Variants in MERTK observed in about 807,000 individuals in gnomAD.
MERTK encodes the protein MER proto-oncogene, tyrosine kinase.
Under a neutral mutation model 99.3 loss-of-function variants are expected in MERTK, and 69 were observed. The ratio of observed to expected loss-of-function variants is 0.70; its 90% confidence interval spans 0.57 to 0.85. The LOEUF (loss-of-function observed/expected upper bound fraction) is 0.85. MERTK is among the 40% of genes least tolerant of loss of function. The pLI, the probability that MERTK is intolerant of heterozygous loss-of-function variation, is 0.00. For missense variants in MERTK, 1,125 were observed against 1,249.4 expected, an observed-to-expected ratio of 0.90 and a Z score of 1.50; for synonymous variants, 426 against 467.6, an observed-to-expected ratio of 0.91 and a Z score of 1.15.
At chr2:112,007,055 A>C (rs531184193) in intron 13 of MERTK, among the ~76,000 whole-genome samples, 1 of 152,296 alleles carries the variant, frequency 6.6e-6, no homozygotes, top group African/African-American at 2.4e-5. Context: ...CATAATATAA[A>C]ATTTACCATT....
intron 1 of MERTK, among the ~76,000 whole-genome samples, chr2:111,924,351 C>T (rs1023407777): frequency 1.3e-5 from 2 of 152,168 alleles, no homozygotes; most frequent in African/African-American, 4.8e-5. Flanking sequence ...CACCAGCTGT[C>T]CACTCCTGAG....
intron 1 of MERTK, among the ~76,000 whole-genome samples, chr2:111,910,468 C>G (rs1421200585): frequency 6.6e-6 from 1 of 151,910 alleles, no homozygotes. Flanking sequence ...TGGGGTTTCA[C>G]CATGTTGGCC....
At chr2:111,925,292 A>ATATATT (rs372747015) in intron 1 of MERTK, among the ~76,000 whole-genome samples, 12 of 24,500 alleles carry the variant, frequency 4.9e-4, no homozygotes, top group African/African-American at 7.1e-4. Context: ...ATATATATAT[A>ATATATT]TTTTTTTTTT....
intron 1 of MERTK, among the ~76,000 whole-genome samples, chr2:111,926,991 TC>T (rs1465998638): frequency 1.3e-5 from 2 of 152,092 alleles, no homozygotes; most frequent in African/African-American, 4.8e-5. Flanking sequence ...AAGTGAACAC[TC>T]CCATGATGGC....
intron 1 of MERTK, among the ~76,000 whole-genome samples, chr2:111,910,563 C>T (rs1412408350): frequency 1.9e-4 from 29 of 150,688 alleles, no homozygotes; most frequent in East Asian, 1.2e-3. Flanking sequence ...AGCCACCTCA[C>T]CCGGCTGACC....
chr2:111,916,174 G>T (rs1386235595), intron 1 of MERTK, among the ~76,000 whole-genome samples: 3 of 151,998 alleles, frequency 2.0e-5, no homozygotes, highest in African/African-American at 7.2e-5. Context: ...GAAGTGCAGT[G>T]GCACTCTGAT....
At chr2:111,944,843 C>T in intron 2 of MERTK, 117 bp from the exon 3 acceptor site, 1 of 869,102 alleles carries the variant, frequency 1.2e-6, no homozygotes, top group Non-Finnish European at 1.9e-6. Context: ...CCTAGCCAAG[C>T]TGACATATAA....
chr2:111,954,225 G>C (rs1685107398), intron 4 of MERTK, among the ~76,000 whole-genome samples: 2 of 152,212 alleles, frequency 1.3e-5, no homozygotes, highest in South Asian at 4.1e-4. Context: ...GCACCTGCTT[G>C]TGAGACCTGA....
intron 1 of MERTK, among the ~76,000 whole-genome samples, chr2:111,912,065 C>A (rs576695353): frequency 6.6e-6 from 1 of 151,810 alleles, no homozygotes; most frequent in Non-Finnish European, 1.5e-5. Flanking sequence ...TGCAGTGGTG[C>A]GATCTCGGCT....
chr2:111,994,674 G>A, intron 9 of MERTK: 1 of 450,614 alleles, frequency 2.2e-6, no homozygotes, highest in South Asian at 1.9e-5. Context: ...AGCTACTTGG[G>A]AGGCTGAGGT....
intron 1 of MERTK, among the ~76,000 whole-genome samples, chr2:111,927,994 G>A (rs1221051814): frequency 6.6e-6 from 1 of 152,024 alleles, no homozygotes; most frequent in Non-Finnish European, 1.5e-5. Flanking sequence ...GTCCAAAAAT[G>A]CCACTCAGAA....
chr2:111,911,834 G>A (rs183527840), intron 1 of MERTK, among the ~76,000 whole-genome samples: 3 of 151,124 alleles, frequency 2.0e-5, no homozygotes, highest in African/African-American at 7.3e-5. Flanking sequence ...GACTACAGGT[G>A]CATGCCAACA....
intron 1 of MERTK, among the ~76,000 whole-genome samples, chr2:111,913,814 G>A (rs1451137052): frequency 6.6e-6 from 1 of 152,208 alleles, no homozygotes; most frequent in East Asian, 1.9e-4. Flanking sequence ...CTGCCAAAGT[G>A]CTAGGATTAC....
intron 1 of MERTK, among the ~76,000 whole-genome samples, chr2:111,915,100 A>C (rs1477047898): frequency 6.6e-6 from 1 of 152,202 alleles, no homozygotes; most frequent in African/African-American, 2.4e-5. Context: ...TATCTATTTC[A>C]TGTGGGGTAC....
chr2:111,931,361 G>A (rs1211820955), intron 2 of MERTK, among the ~76,000 whole-genome samples: 3 of 152,048 alleles, frequency 2.0e-5, no homozygotes, highest in Non-Finnish European at 4.4e-5. Flanking sequence ...TATTTTTTCT[G>A]CATCAACTAT....
At chr2:111,933,287 C>T (rs889552299) in intron 2 of MERTK, among the ~76,000 whole-genome samples, 1 of 152,140 alleles carries the variant, frequency 6.6e-6, no homozygotes, top group Non-Finnish European at 1.5e-5. Flanking sequence ...CTCCTGGGCC[C>T]TAAGGAAATC....
intron 1 of MERTK, among the ~76,000 whole-genome samples, chr2:111,915,635 G>A (rs761853001): frequency 2.6e-5 from 4 of 151,982 alleles, no homozygotes; most frequent in Non-Finnish European, 4.4e-5. Flanking sequence ...GCGGCTGGGC[G>A]TGGTAATCCC....
intron 1 of MERTK, among the ~76,000 whole-genome samples, chr2:111,926,019 G>A (rs1287674252): frequency 1.3e-5 from 2 of 151,782 alleles, no homozygotes; most frequent in Non-Finnish European, 2.9e-5. Flanking sequence ...TTTTAGTAGA[G>A]ATGGGGTTTC....
intron 12 of MERTK, chr2:112,003,441 G>A (rs767212447): frequency 2.4e-5 from 9 of 369,020 alleles, no homozygotes; most frequent in African/African-American, 1.7e-4. Context: ...TCATTGAAAA[G>A]CATGTAATTC....
Sources: allele counts gnomAD v4.1 joint callset (sites outside exome capture counted in the v4.1 genomes callset), GRCh38; gene constraint gnomAD v4.1.1; transcripts MANE v1.5; gene names NCBI Gene and HGNC (gene_info 2026-07-23, HGNC 2026-07-21).